CFAP61: variants seen among roughly 807,000 people sequenced by gnomAD.
CFAP61 encodes cilia- and flagella-associated protein 61.
A neutral mutation model predicts 135.6 loss-of-function variants in CFAP61; 107 were observed. That is an observed-to-expected ratio of 0.79 (90% CI 0.67 to 0.93). The LOEUF is 0.93. Among genes scored for constraint, CFAP61 ranks in the 40% least tolerant of loss-of-function variants. The pLI is 0.00. For synonymous variants in CFAP61, 575 were observed against 578.5 expected (o/e 0.99, Z 0.09); for missense variants, 1,507 against 1,556.2 (o/e 0.97, Z 0.53).
At chr20:20,185,101 A>T (rs1301865116) in intron 13 of CFAP61, among the ~76,000 whole-genome samples, 5 of 152,196 alleles carry the variant, frequency 3.3e-5, no homozygotes, top group African/African-American at 9.7e-5. Flanking sequence ...TAGCAAAATT[A>T]TGGTAATTAT....
intron 25 of CFAP61, among the ~76,000 whole-genome samples, chr20:20,316,249 T>C (rs376769391): frequency 6.6e-6 from 1 of 152,038 alleles, no homozygotes; most frequent in East Asian, 1.9e-4. Context: ...TGAAGAGGTC[T>C]TTCACATCCC....
At chr20:20,348,797 T>TA (rs36120926) in intron 26 of CFAP61, among the ~76,000 whole-genome samples, 69,289 of 127,030 alleles carry the variant, frequency 0.55, 17,512 homozygotes, top group East Asian at 0.66. Flanking sequence ...GTAAAAACAC[T>TA]AAAAAAAAAA....
At chr20:20,166,496 T>C (rs1412907374) in intron 12 of CFAP61, 60 bp downstream of exon 12, 1 of 1,298,158 alleles carries the variant, frequency 7.7e-7, no homozygotes, top group Non-Finnish European at 1.1e-6. Context: ...TATAGAAAAG[T>C]AAAATGCCAT....
intron 20 of CFAP61, among the ~76,000 whole-genome samples, chr20:20,258,982 T>C (rs2051912051): frequency 6.6e-6 from 1 of 152,172 alleles, no homozygotes. Context: ...TGTCTCTGTT[T>C]CGTTCTCTTT....
intron 25 of CFAP61, among the ~76,000 whole-genome samples, chr20:20,334,370 G>A (rs534550737): frequency 3.3e-5 from 5 of 152,210 alleles, no homozygotes; most frequent in Admixed American, 1.3e-4. Context: ...CAAGTGATCC[G>A]CCTGCCTCGG....
chr20:20,116,704 A>G (rs989169661), intron 8 of CFAP61, among the ~76,000 whole-genome samples: 1 of 152,138 alleles, frequency 6.6e-6, no homozygotes, highest in Non-Finnish European at 1.5e-5. Flanking sequence ...TACTTCTTCT[A>G]TTAAACTGTA....
chr20:20,305,920 C>T (rs372814553), intron 25 of CFAP61, among the ~76,000 whole-genome samples: 23 of 152,168 alleles, frequency 1.5e-4, no homozygotes, highest in Admixed American at 2.0e-4. Context: ...CCAGAGGCCA[C>T]GAGGCCAAAC....
At chr20:20,052,821 G>T in intron 1 of CFAP61, 1 of 1,223,496 alleles carries the variant, frequency 8.2e-7, no homozygotes, top group African/African-American at 1.5e-5. Flanking sequence ...GACGGGGCGA[G>T]CTGCCGCCCT....
At chr20:20,322,658 T>C in intron 25 of CFAP61, 1 of 985,118 alleles carries the variant, frequency 1.0e-6, no homozygotes. Context: ...CCCATGGTGG[T>C]CTTCCAGCAG....
chr20:20,268,108 G>T (rs1005789990), intron 21 of CFAP61, among the ~76,000 whole-genome samples: 8 of 152,234 alleles, frequency 5.3e-5, no homozygotes, highest in Non-Finnish European at 4.4e-5. Flanking sequence ...AACACCAGGA[G>T]GAATGTGGAC....
chr20:20,070,225 T>C (rs921913896), intron 2 of CFAP61, among the ~76,000 whole-genome samples: 1 of 152,206 alleles, frequency 6.6e-6, no homozygotes, highest in African/African-American at 2.4e-5. Context: ...GCAAGACCCC[T>C]GGGAGTCCCC....
At chr20:20,217,499 A>G (rs759298157) in intron 17 of CFAP61, among the ~76,000 whole-genome samples, 43 of 152,384 alleles carry the variant, frequency 2.8e-4, no homozygotes, top group Middle Eastern at 3.4e-3. Flanking sequence ...TGGTGGCAAG[A>G]TAGCAAGATT....
intron 20 of CFAP61, among the ~76,000 whole-genome samples, chr20:20,253,128 G>A (rs1399449619): frequency 1.4e-5 from 2 of 145,744 alleles, no homozygotes; most frequent in African/African-American, 2.6e-5. Context: ...ATGGGATGGG[G>A]AGCCTGAGAT....
At chr20:20,074,910 T>C (rs1162191025) in intron 4 of CFAP61, among the ~76,000 whole-genome samples, 2 of 152,164 alleles carry the variant, frequency 1.3e-5, no homozygotes, top group Admixed American at 6.5e-5. Context: ...CAAAGGTTAA[T>C]ATTAGCAGAA....
Position 20,169,899 on chromosome 20 carries a change from A to G in CFAP61, c.1385+439A>G, listed in dbSNP as rs75409006. On this transcript the variant is annotated intron_variant, in intron 13 of 26. Transcript: ENST00000245957. ...GAGGTAGAAACTTTTTTTATACTCT[A>G]TCATAAAATAGATTCTCAGGTGATT... Among the ~76,000 whole-genome samples the G allele has an allele frequency of 2.9e-3, 449 of 152,360 alleles. 1 individual carries two copies. The highest frequency in any genetic ancestry group is 9.8e-3 in the African/African-American group (406 of 41,582).
intron 12 of CFAP61, 22 bp downstream of exon 12, chr20:20,166,458 A>G: frequency 1.3e-6 from 2 of 1,593,956 alleles, no homozygotes; most frequent in Non-Finnish European, 1.7e-6. Context: ...CTGAATTTTG[A>G]GAACTGATTT....
chr20:20,147,555 A>T (rs991751357), intron 9 of CFAP61, among the ~76,000 whole-genome samples: 1 of 152,106 alleles, frequency 6.6e-6, no homozygotes, highest in Non-Finnish European at 1.5e-5. Context: ...AAAAATATCT[A>T]TTCATGCCCT....
intron 6 of CFAP61, among the ~76,000 whole-genome samples, chr20:20,082,751 T>A (rs11908165): frequency 0.047 from 7,114 of 152,214 alleles, 552 homozygotes; most frequent in African/African-American, 0.16. Flanking sequence ...ATGAAAAATC[T>A]CTAATCATCA....
chr20:20,274,488 T>C lies in CFAP61; in HGVS notation c.2504-2678T>C, dbSNP rs144061869. Among the ~76,000 whole-genome samples, 299 of 152,132 alleles carry C rather than the reference T, an allele frequency of 2.0e-3. 2 individuals carry two copies. The highest frequency in any genetic ancestry group is 6.0e-3 in the African/African-American group (251 of 41,508). ...CCAGCTTGGTGAACATGTCAAAACT[T>C]CGTCTCTACTAAAAATACAAAAATT... On this transcript the variant is annotated intron_variant, in intron 21 of 26. Coordinates refer to ENST00000245957, the MANE Select transcript of CFAP61 (RefSeq NM_015585.4).
Sources: allele counts gnomAD v4.1 joint callset (sites outside exome capture counted in the v4.1 genomes callset), GRCh38; gene constraint gnomAD v4.1.1; transcripts MANE v1.5; gene names NCBI Gene and HGNC (gene_info 2026-07-23, HGNC 2026-07-21).